LRP3: variants seen among roughly 807,000 people sequenced by gnomAD.
LRP3 encodes the protein low-density lipoprotein receptor-related protein 3.
A neutral mutation model predicts 58.5 loss-of-function variants in LRP3; 49 were observed. The ratio of observed to expected loss-of-function variants is 0.84; its 90% CI spans 0.67 to 1.06. The LOEUF is 1.06. LRP3 is among the 50% of genes least tolerant of loss of function. The probability of loss-of-function intolerance (pLI) is 0.00; values close to 1 mark genes in which losing one functional copy is unlikely to be tolerated. For missense variants in LRP3, 1,019 were observed against 1,134.2 expected (o/e 0.90, Z 1.46); for synonymous variants, 485 against 492.2 (o/e 0.99, Z 0.20).
chr19:33,207,779 C>A lies in LRP3; in HGVS notation c.*204C>A. On this transcript the variant is annotated 3_prime_UTR_variant, in exon 7 of 7. Transcript: ENST00000253193. ...GGGGGGAGAAGAGTGGAGTGGTGAG[C>A]CCGTCTGCAGGGTCCCATTGTACAC... is the stretch of plus-strand genomic sequence containing the variant. 6.8e-6 allele frequency: 4 copies of A among 586,958 alleles called. No individual in the cohort carries two copies. Among genetic ancestry groups the A allele is most frequent in the Non-Finnish European group, 1.2e-5 (4 of 330,126 alleles). 36.4% of individuals were successfully genotyped at this position (586,958 alleles called of 1,614,324 possible).
At chr19:33,205,164 C>T in intron 4 of LRP3, 82 bp from the exon 5 acceptor site, 2 of 1,456,846 alleles carry the variant, frequency 1.4e-6, no homozygotes. Context: ...GAACCACCTG[C>T]CCGCTTTTGG....
chr19:33,206,218 G>A lies in LRP3; in HGVS notation c.1448G>A (p.Gly483Asp). The A allele has an allele frequency of 6.3e-7, 1 of 1,595,586 alleles. No individual in the cohort carries two copies. The highest frequency in any genetic ancestry group is 8.5e-7 in the Non-Finnish European group (1 of 1,171,430). ...RCDGQEDCQD[G>D]SDEHGCLAAV... is the part of the protein sequence containing the mutation. ...GACGGCCAGGAAGACTGCCAGGACG[G>A]CAGCGATGAGCATGGGTGCCTGGCC... The change falls in exon 5 of 7, where the codon GGC becomes GAC. Residue 483 changes from glycine (G) to aspartate (D), a missense_variant. By Grantham distance (94) the Gly-to-Asp change is moderately conservative. Coordinates refer to ENST00000253193, the MANE Select transcript of LRP3 (RefSeq NM_002333.4).
chr19:33,198,576 C>T (rs1974309101), intron 2 of LRP3, among the ~76,000 whole-genome samples: 1 of 152,202 alleles, frequency 6.6e-6, no homozygotes, highest in Non-Finnish European at 1.5e-5. Context: ...ATTCCCCCAG[C>T]CCCTTCTCCA....
In LRP3 at chr19:33,207,872, G is replaced by A. The variant is rs62126571; in HGVS notation, c.*297G>A. ...GGAACCCATTTCCAGAGAAGCAGGG[G>A]ACCAGAGCCTTTTTGCTTCATCTGC... On this transcript the variant is annotated 3_prime_UTR_variant, in exon 7 of 7. Transcript: ENST00000253193. The A allele has an allele frequency of 1.2e-3, 578 of 482,706 alleles. 2 individuals carry two copies. The highest frequency in any genetic ancestry group is 2.8e-3 in the Middle Eastern group (5 of 1,798). 29.9% of individuals were successfully genotyped at this position (482,706 alleles called of 1,614,324 possible).
intron 2 of LRP3, 142 bp from the exon 3 acceptor site, chr19:33,202,706 G>A: frequency 1.1e-6 from 1 of 901,608 alleles, no homozygotes; most frequent in African/African-American, 1.7e-5. Flanking sequence ...CACAAGTTGT[G>A]GCCTTGCCCT....
intron 2 of LRP3, among the ~76,000 whole-genome samples, chr19:33,197,527 T>C (rs1263468535): frequency 6.6e-6 from 1 of 152,164 alleles, no homozygotes; most frequent in African/African-American, 2.4e-5. Flanking sequence ...CTCGGGAGAC[T>C]GAGGCAGGAT....
chr19:33,205,342 G>A lies in LRP3; in HGVS notation c.572G>A (p.Cys191Tyr), dbSNP rs1974389227. ...TGGCAGTGCAACACGGTGGACGAGT[G>A]TGGAGACGGCTCTGATGAGGGCAAC... ...GPWQCNTVDE[C>Y]GDGSDEGNCS... The change falls in exon 5 of 7, where the codon TGT (cysteine) becomes TAT (tyrosine). Residue 191 changes from cysteine (C) to tyrosine (Y), a missense_variant. Transcript: ENST00000253193. 6.2e-7 allele frequency: 1 copy of A among 1,610,322 alleles called. No homozygotes were observed. The highest frequency in any genetic ancestry group is 1.3e-5 in the African/African-American group (1 of 74,896).
chr19:33,205,845 A>G lies in LRP3; in HGVS notation c.1075A>G (p.Asn359Asp). 4.4e-6 allele frequency: 7 copies of G among 1,595,196 alleles called. No individual in the cohort carries two copies. Among genetic ancestry groups the G allele is most frequent in the Non-Finnish European group, 6.0e-6 (7 of 1,170,926 alleles). ...ARARSAGHGFNATYQVKGYCL... is the reference protein window; with the variant it reads ...ARARSAGHGFDATYQVKGYCL... ...CGCCCGCAGCGCCGGCCACGGCTTC[A>G]ATGCCACCTACCAGGTGAAGGGCTA... Residue 359 changes from asparagine to aspartate, a missense_variant, in exon 5 of 7, where the codon AAT becomes GAT. Around this residue, in one of 2 missense-constraint regions of LRP3, gnomAD observed 592 missense variants for 725.5 expected, o/e 0.82. Transcript: ENST00000253193.
In LRP3 at chr19:33,205,241, C is replaced by G; in HGVS notation, c.476-5C>G. 1 of 1,605,446 alleles carries G rather than the reference C, an allele frequency of 6.2e-7. No homozygotes were observed. The highest frequency in any genetic ancestry group is 1.3e-5 in the African/African-American group (1 of 74,840). ...ACTGTCCCCTGCTACGTCTCCACCC[C>G]ACAGGGAAGCTGGGCCAGGCATCCT... is the stretch of plus-strand genomic sequence containing the variant. On this transcript the variant is annotated splice_polypyrimidine_tract_variant and splice_region_variant and intron_variant, in intron 4 of 6. Coordinates refer to ENST00000253193, the MANE Select transcript of LRP3 (RefSeq NM_002333.4).
In LRP3 at chr19:33,207,008, T is replaced by C; in HGVS notation, c.1746T>C (p.Leu582=). 1 of 1,477,982 alleles carries C rather than the reference T, an allele frequency of 6.8e-7. No individual in the cohort carries two copies. The allele number at this position is 1,477,982 out of a possible 1,614,324, so 91.6% of individuals were successfully genotyped here. The part of the protein sequence containing the change: ...SASQASVLQN[L]RTAMRRQMRR... Reference sequence around the variant, plus strand: ...CACAGGCCTCTGTGCTGCAGAATCTTCGCACAGCCATGCGGAGACAGATGC... The same window carrying C: ...CACAGGCCTCTGTGCTGCAGAATCTCCGCACAGCCATGCGGAGACAGATGC... Residue 582 remains leucine, a synonymous_variant, in exon 7 of 7, where the codon CTT becomes CTC. Coordinates refer to ENST00000253193, the MANE Select transcript of LRP3 (RefSeq NM_002333.4).
chr19:33,203,193 TG>T (rs1384985959), intron 3 of LRP3, among the ~76,000 whole-genome samples: 1 of 152,124 alleles, frequency 6.6e-6, no homozygotes, highest in African/African-American at 2.4e-5. Flanking sequence ...GGTGTGTGCA[TG>T]TGTGTGAGCA....
In LRP3 at chr19:33,202,830, G is replaced by C. The variant is rs371871302; in HGVS notation, c.122-18G>C. The C allele has an allele frequency of 6.3e-7, 1 of 1,595,214 alleles. No individual in the cohort carries two copies. On this transcript the variant is annotated intron_variant, in intron 2 of 6. Coordinates refer to ENST00000253193, the MANE Select transcript of LRP3 (RefSeq NM_002333.4). The stretch of plus-strand genomic sequence containing the variant: ...AACCAAAGATGGGCCGGCCTTTCTC[G>C]GCCTCCTCTCCCGACAGCGGCCTGC...
In LRP3 at chr19:33,205,775, C is replaced by T; in HGVS notation, c.1005C>T (p.Ser335=). The T allele has an allele frequency of 6.3e-7, 1 of 1,588,650 alleles. No homozygotes were observed. ...LSYRSNHRPV[S]LEAAQGRLTV... ...ACCGCAGCAACCACCGGCCCGTGAG[C>T]CTGGAGGCCGCCCAGGGCCGCCTCA... Residue 335 remains serine, a synonymous_variant, in exon 5 of 7, where the codon AGC becomes AGT. Coordinates refer to ENST00000253193, the MANE Select transcript of LRP3 (RefSeq NM_002333.4).
intron 1 of LRP3, 34 bp downstream of exon 1, chr19:33,194,892 TCC>T: frequency 1.9e-6 from 2 of 1,061,990 alleles, no homozygotes; most frequent in African/African-American, 1.7e-5. Context: ...CAGGTCCGGG[TCC>T]CCCGCATGGC....
Position 33,207,187 on chromosome 19 carries a change from C to T in LRP3, c.1925C>T (p.Pro642Leu), listed in dbSNP as rs1568384816. Residue 642 changes from proline (P) to leucine (L), a missense_variant, in exon 7 of 7, where the codon CCT becomes CTT. Pro to Leu is a moderately conservative substitution (Grantham distance 98). Coordinates refer to ENST00000253193, the MANE Select transcript of LRP3 (RefSeq NM_002333.4). ...QTVLGDGFLQPAPGAAPDPPA... is the reference protein window; with the variant it reads ...QTVLGDGFLQLAPGAAPDPPA... Reference sequence around the variant, plus strand: ...GTGCTGGGCGATGGCTTCCTCCAGCCTGCTCCAGGGGCTGCCCCCGACCCC... The same window carrying T: ...GTGCTGGGCGATGGCTTCCTCCAGCTTGCTCCAGGGGCTGCCCCCGACCCC... The T allele has an allele frequency of 1.9e-6, 3 of 1,551,646 alleles. No homozygotes were observed. The highest frequency in any genetic ancestry group is 1.7e-6 in the Non-Finnish European group (2 of 1,153,494).
In LRP3 at chr19:33,207,704, C is replaced by T. The variant is rs1196999150; in HGVS notation, c.*129C>T. ...GGGACCCCAGCGGAGGGGCTGGCCC[C>T]TAAGCCAGCTGGCTGCACTGGTGGG... On this transcript the variant is annotated 3_prime_UTR_variant, in exon 7 of 7. Coordinates refer to ENST00000253193, the MANE Select transcript of LRP3 (RefSeq NM_002333.4). 4 of 710,644 alleles carry T rather than the reference C, an allele frequency of 5.6e-6. No homozygotes were observed. Among genetic ancestry groups the T allele is most frequent in the Non-Finnish European group, 9.4e-6 (4 of 427,410 alleles). The allele number at this position is 710,644 out of a possible 1,614,324, so 44.0% of individuals were successfully genotyped here.
Position 33,207,750 on chromosome 19 carries a change from G to C in LRP3, c.*175G>C, listed in dbSNP as rs996908985. On this transcript the variant is annotated 3_prime_UTR_variant, in exon 7 of 7. Coordinates refer to ENST00000253193, the MANE Select transcript of LRP3 (RefSeq NM_002333.4). The stretch of plus-strand genomic sequence containing the variant: ...GTGGGCGGGAGCTGTGGGACTGAAC[G>C]GCGGGGGGGAGAAGAGTGGAGTGGT... 2.0e-4 allele frequency: 104 copies of C among 508,292 alleles called. No individual in the cohort carries two copies. The African/African-American group carries it at 2.8e-3, about 14-fold the overall frequency. The allele number at this position is 508,292 out of a possible 1,614,324, so 31.5% of individuals were successfully genotyped here.
At chr19:33,206,862 G>T (rs757648889) in intron 6 of LRP3, 126 bp from the exon 7 acceptor site, 114 of 1,105,348 alleles carry the variant, frequency 1.0e-4, no homozygotes, top group African/African-American at 1.0e-3. Context: ...ATGGCCAGGT[G>T]GGGGGGGTGG....
intron 1 of LRP3, among the ~76,000 whole-genome samples, chr19:33,195,500 G>C (rs1480286205): frequency 3.3e-5 from 5 of 152,188 alleles, no homozygotes; most frequent in Admixed American, 3.3e-4. Flanking sequence ...GTGTAGGCGA[G>C]AGGAGGAGTT....
Sources: gnomAD v4.1 joint callset for allele counts (sites outside exome capture counted in the v4.1 genomes callset) on GRCh38, gnomAD v4.1.1 for gene constraint, gnomAD v4.1.1 regional missense constraint, MANE v1.5 for transcripts, NCBI Gene and HGNC (gene_info 2026-07-23, HGNC 2026-07-21) for gene names.